The following THG1L variants were observed in gnomAD, a reference collection of about 807,000 sequenced individuals.
THG1L encodes tRNA-histidine guanylyltransferase 1 like, also known as probable tRNA(His) guanylyltransferase.
THG1L carries 27 observed loss-of-function variants against 35.2 expected under a neutral mutation model. The observed-to-expected ratio is 0.77, with a 90% CI of 0.57 to 1.06. The LOEUF is 1.06. Ranked by LOEUF, THG1L falls within the 50% of genes least tolerant of loss-of-function variation. The probability of loss-of-function intolerance (pLI) is 0.00; values close to 1 mark genes in which losing one functional copy is unlikely to be tolerated. For synonymous variants in THG1L, 135 were observed against 132.4 expected (o/e 1.02, Z -0.14); for missense variants, 377 against 371.8 (o/e 1.01, Z -0.12).
chr5:157,736,269 A>AT (rs1252031197), intron 4 of THG1L, among the ~76,000 whole-genome samples: 1 of 126,636 alleles, frequency 7.9e-6, no homozygotes, highest in African/African-American at 3.0e-5. Context: ...TTTTTTTTTG[A>AT]GACACAGTTT....
intron 4 of THG1L, among the ~76,000 whole-genome samples, chr5:157,736,225 T>C (rs1760884696): frequency 6.6e-6 from 1 of 151,666 alleles, no homozygotes; most frequent in African/African-American, 2.4e-5. Flanking sequence ...TGTATGACTG[T>C]GTATGACTGC....
chr5:157,738,429 A>C (rs1268154498), intron 5 of THG1L, among the ~76,000 whole-genome samples: 1 of 152,200 alleles, frequency 6.6e-6, no homozygotes, highest in Non-Finnish European at 1.5e-5. Flanking sequence ...TATTTTCGTA[A>C]ATGTCATGAG....
In THG1L at chr5:157,731,510, C is replaced by T; in HGVS notation, c.70C>T (p.Leu24=). The change falls in exon 1 of 6, where the codon CTG becomes TTG. Residue 24 remains leucine, a synonymous_variant. Transcript: ENST00000231198. The part of the protein sequence containing the change: ...ATISITLRRY[L]RLGATMAKSK... ...CATTTCCATCACTCTGAGACGGTACCTGAGATTGGGGGCGACCATGGCAAA... is the reference window on the plus strand; with the variant it reads ...CATTTCCATCACTCTGAGACGGTACTTGAGATTGGGGGCGACCATGGCAAA... 6.2e-7 allele frequency: 1 copy of T among 1,613,090 alleles called. No homozygotes were observed. Among genetic ancestry groups the T allele is most frequent in the Non-Finnish European group, 8.5e-7 (1 of 1,179,512 alleles).
chr5:157,732,991 T>C lies in THG1L; in HGVS notation c.315T>C (p.Asp105=). 1 of 1,614,264 alleles carries C rather than the reference T, an allele frequency of 6.2e-7. No homozygotes were observed. The highest frequency in any genetic ancestry group is 8.5e-7 in the Non-Finnish European group (1 of 1,180,052). ...TTGTGATCGCGTATGGACAGAGTGATGAGTACAGCTTTGTGTTCAAGCGGA... is the reference window on the plus strand; with the variant it reads ...TTGTGATCGCGTATGGACAGAGTGACGAGTACAGCTTTGTGTTCAAGCGGA... The part of the protein sequence containing the change: ...EDIVIAYGQS[D]EYSFVFKRKT... Residue 105 remains aspartate (D), a synonymous_variant, in exon 2 of 6, where the codon GAT becomes GAC. Coordinates refer to ENST00000231198, the MANE Select transcript of THG1L (RefSeq NM_017872.5).
Position 157,731,627 on chromosome 5 carries a change from C to T in THG1L, c.187C>T (p.His63Tyr). ...VVVRLDGRNF[H>Y]RFAEKHNFAK... ...AGTGCGGCTGGACGGCCGGAATTTC[C>T]ATCGGTGAGCGAGCTCGACTCGGGG... The change falls in exon 1 of 6, where the codon CAT (histidine) becomes TAT (tyrosine). Residue 63 changes from histidine to tyrosine, a missense_variant. Physicochemically the swap from His to Tyr is moderately conservative, Grantham distance 83. Coordinates refer to ENST00000231198, the MANE Select transcript of THG1L (RefSeq NM_017872.5). The T allele has an allele frequency of 5.0e-6, 8 of 1,596,002 alleles. No individual in the cohort carries two copies. Among genetic ancestry groups the T allele is most frequent in the Non-Finnish European group, 6.8e-6 (8 of 1,169,084 alleles).
At chr5:157,738,180 C>T (rs1277565105) in intron 5 of THG1L, among the ~76,000 whole-genome samples, 186 bp downstream of exon 5, 6 of 152,180 alleles carry the variant, frequency 3.9e-5, no homozygotes, top group Non-Finnish European at 8.8e-5. Flanking sequence ...GGTCCGAAAT[C>T]TCCCATACAT....
rs769716046 is a variant in THG1L at position 157,737,958 on chromosome 5, G to A, written c.699G>A (p.Pro233=). ...EFNINYNNEL[P]MYRKGTVLIW... is the part of the protein sequence containing the mutation. The stretch of plus-strand genomic sequence containing the variant: ...ACATCAACTATAATAATGAGCTGCC[G>A]ATGTATAGGAAAGGGACTGTGTTGA... The change falls in exon 5 of 6, where the codon CCG becomes CCA. Residue 233 remains proline, a synonymous_variant. Coordinates refer to ENST00000231198, the MANE Select transcript of THG1L (RefSeq NM_017872.5). 11 of 1,612,960 alleles carry A rather than the reference G, an allele frequency of 6.8e-6. No individual in the cohort carries two copies. Among genetic ancestry groups the A allele is most frequent in the Non-Finnish European group, 8.5e-6 (10 of 1,179,512 alleles).
chr5:157,732,651 G>A (rs1226668253), intron 1 of THG1L, among the ~76,000 whole-genome samples: 1 of 152,178 alleles, frequency 6.6e-6, no homozygotes, highest in Non-Finnish European at 1.5e-5. Context: ...ACAGAAAGGA[G>A]AGTTGAGGCT....
At chr5:157,731,714 G>C in intron 1 of THG1L, 83 bp downstream of exon 1, 2 of 1,492,020 alleles carry the variant, frequency 1.3e-6, no homozygotes, top group Admixed American at 2.1e-5. Flanking sequence ...CCTCCCGCCC[G>C]CTCCAGTCAC....
At chr5:157,737,029 C>A (rs1472096549) in intron 4 of THG1L, among the ~76,000 whole-genome samples, 1 of 151,994 alleles carries the variant, frequency 6.6e-6, no homozygotes, top group South Asian at 2.1e-4. Flanking sequence ...AACTCCTGGG[C>A]TCCAGCAGTC....
intron 2 of THG1L, among the ~76,000 whole-genome samples, chr5:157,733,708 C>T (rs925702033): frequency 3.3e-5 from 5 of 152,084 alleles, no homozygotes; most frequent in African/African-American, 9.7e-5. Flanking sequence ...CGTGGTGGCT[C>T]ACGCCTGTAA....
intron 1 of THG1L, 40 bp from the exon 2 acceptor site, chr5:157,732,828 G>A (rs747600584): frequency 9.9e-6 from 16 of 1,611,654 alleles, no homozygotes; most frequent in Non-Finnish European, 1.4e-5. Flanking sequence ...GTTAATGACA[G>A]GCTTCCATCC....
chr5:157,732,973 C>G lies in THG1L; in HGVS notation c.297C>G (p.Ile99Met). 6.2e-7 allele frequency: 1 copy of G among 1,614,152 alleles called. No individual in the cohort carries two copies. The highest frequency in any genetic ancestry group is 8.5e-7 in the Non-Finnish European group (1 of 1,180,042). ...TVMEELEDIVIAYGQSDEYSF... is the reference protein window; with the variant it reads ...TVMEELEDIVMAYGQSDEYSF... ...TGGAAGAACTAGAGGATATTGTGAT[C>G]GCGTATGGACAGAGTGATGAGTACA... Residue 99 changes from isoleucine to methionine, a missense_variant, in exon 2 of 6, where the codon ATC becomes ATG. Transcript: ENST00000231198.
chr5:157,734,688 G>A lies in THG1L; in HGVS notation c.481G>A (p.Val161Met), dbSNP rs752537583. 2.5e-5 allele frequency: 40 copies of A among 1,613,980 alleles called. No homozygotes were observed. Among genetic ancestry groups the A allele is most frequent in the Admixed American group, 1.2e-4 (7 of 59,978 alleles). ...TCCCCCAGGCTTTGACGGAAGAGTC[G>A]TGGTGTATCCCAGCAACCAGACTTT... Reference protein sequence around the residue: ...LYPPGFDGRVVVYPSNQTLKD... With the variant: ...LYPPGFDGRVMVYPSNQTLKD... Residue 161 changes from valine (V) to methionine (M), a missense_variant, in exon 3 of 6, where the codon GTG becomes ATG. By Grantham distance (21) the Val-to-Met change is conservative. Transcript: ENST00000231198.
rs548983886 is a variant in THG1L, at chr5:157,739,557, G to A, written c.*75G>A. ...CTCCCAGGGCTCCTTGCCTTAGGTGGCTGTAGCATCCCTACCACCCAGGAC... is the reference window on the plus strand; with the variant it reads ...CTCCCAGGGCTCCTTGCCTTAGGTGACTGTAGCATCCCTACCACCCAGGAC... On this transcript the variant is annotated 3_prime_UTR_variant, in exon 6 of 6. Transcript: ENST00000231198. 1.8e-5 allele frequency: 27 copies of A among 1,517,278 alleles called. No homozygotes were observed. The highest frequency in any genetic ancestry group is 2.6e-5 in the South Asian group (2 of 75,846). The allele number at this position is 1,517,278 out of a possible 1,614,324, so 94.0% of individuals were successfully genotyped here. A position where few individuals can be genotyped will look rare whatever the true frequency, so the allele number is the denominator to read the frequency against.
At chr5:157,734,788 C>G (rs1303347107) in intron 3 of THG1L, 43 bp downstream of exon 3, 1 of 1,610,012 alleles carries the variant, frequency 6.2e-7, no homozygotes, top group Non-Finnish European at 8.5e-7. Flanking sequence ...ACCACCAATT[C>G]CATGTCTTAC....
At chr5:157,736,060 G>T in intron 4 of THG1L, 126 bp downstream of exon 4, 1 of 668,200 alleles carries the variant, frequency 1.5e-6, no homozygotes, top group Non-Finnish European at 2.6e-6. Context: ...GTTTTGAAAG[G>T]ATATAAAAAT....
Position 157,739,558 on chromosome 5 carries a change from C to T in THG1L, c.*76C>T, listed in dbSNP as rs1230262918. ...TCCCAGGGCTCCTTGCCTTAGGTGG[C>T]TGTAGCATCCCTACCACCCAGGACA... On this transcript the variant is annotated 3_prime_UTR_variant, in exon 6 of 6. Coordinates refer to ENST00000231198, the MANE Select transcript of THG1L (RefSeq NM_017872.5). 19 of 1,504,766 alleles carry T rather than the reference C, an allele frequency of 1.3e-5. No individual in the cohort carries two copies. In the East Asian group the frequency reaches 4.4e-4, roughly 35 times the overall value. 93.2% of individuals were successfully genotyped at this position (1,504,766 alleles called of 1,614,324 possible).
chr5:157,732,651 G>C (rs1226668253), intron 1 of THG1L, among the ~76,000 whole-genome samples: 1 of 152,178 alleles, frequency 6.6e-6, no homozygotes, highest in Non-Finnish European at 1.5e-5. Flanking sequence ...ACAGAAAGGA[G>C]AGTTGAGGCT....
Sources: allele counts gnomAD v4.1 joint callset (sites outside exome capture counted in the v4.1 genomes callset), GRCh38; gene constraint gnomAD v4.1.1; transcripts MANE v1.5; gene names NCBI Gene and HGNC (gene_info 2026-07-23, HGNC 2026-07-21).